The following FBXO25 variants were observed in gnomAD, a reference collection of about 807,000 sequenced individuals.
FBXO25 encodes the protein F-box only protein 25.
Under a neutral mutation model 51.9 loss-of-function variants are expected in FBXO25, and 45 were observed. That is an observed-to-expected ratio of 0.87 (90% CI 0.68 to 1.11). FBXO25 has a LOEUF of 1.11. Among genes scored for constraint, FBXO25 ranks in the 50% most tolerant of loss-of-function variants. FBXO25 has a pLI of 0.00. For synonymous variants in FBXO25, 199 were observed against 151.0 expected (o/e 1.32, Z -2.33); for missense variants, 507 against 428.5 (o/e 1.18, Z -1.62).
chr8:445,274 G>C (rs561134332), intron 5 of FBXO25, among the ~76,000 whole-genome samples: 34 of 152,200 alleles, frequency 2.2e-4, no homozygotes, highest in Non-Finnish European at 4.4e-4. Context: ...TTTTTAAAAG[G>C]AATTTTAAAA....
intron 7 of FBXO25, among the ~76,000 whole-genome samples, chr8:457,708 G>A (rs1485649502): frequency 1.3e-5 from 2 of 152,220 alleles, no homozygotes; most frequent in Admixed American, 6.5e-5. Context: ...AAAGGATTAT[G>A]ACTTGAGGTG....
rs1796571016 is a variant in FBXO25, at chr8:412,932, C to T, written c.-7-141C>T. 8.5e-6 allele frequency: 7 copies of T among 825,374 alleles called. No homozygotes were observed. The East Asian group carries it at 2.1e-4, about 25-fold the overall frequency. 51.1% of individuals were successfully genotyped at this position (825,374 alleles called of 1,614,324 possible). A position where few individuals can be genotyped will look rare whatever the true frequency, so the allele number is the denominator to read the frequency against. On this transcript the variant is annotated intron_variant, in intron 1 of 9. Coordinates refer to ENST00000350302, the MANE Select transcript of FBXO25 (RefSeq NM_183420.2). ...CAGTACTGTGTTATTGTCACTGTCACCAATGTCGAGCCAACGTTTAATTAA... is the reference window on the plus strand; with the variant it reads ...CAGTACTGTGTTATTGTCACTGTCATCAATGTCGAGCCAACGTTTAATTAA...
At chr8:430,229 T>C (rs536694809) in intron 2 of FBXO25, among the ~76,000 whole-genome samples, 29 of 152,366 alleles carry the variant, frequency 1.9e-4, no homozygotes, top group African/African-American at 6.0e-4. Flanking sequence ...ACATTCAGTA[T>C]TTCAATCAAT....
chr8:418,280 T>C lies in FBXO25; in HGVS notation c.134+5067T>C, dbSNP rs138940291. 9.8e-3 allele frequency among the ~76,000 whole-genome samples: 1,496 copies of C among 152,120 alleles called. 17 individuals carry two copies. The highest frequency in any genetic ancestry group is 0.017 in the Non-Finnish European group (1,146 of 67,982). ...TTGGTGGGCAAAAAACATTAGACAT[T>C]TTATTTCTTTTCCTTTCCCTTTCCT... is the stretch of plus-strand genomic sequence containing the variant. On this transcript the variant is annotated intron_variant, in intron 2 of 9. Transcript: ENST00000350302.
chr8:451,312 G>A lies in FBXO25; in HGVS notation c.519G>A (p.Leu173=), dbSNP rs760924947. ...HHNPRLIKDL[L]QDLSSTLCIL... is the part of the protein sequence containing the mutation. ...ATCCTCGCTTAATCAAAGATCTTCTGCAAGACCTAAGCTCTACCCTCTGCA... is the reference window on the plus strand; with the variant it reads ...ATCCTCGCTTAATCAAAGATCTTCTACAAGACCTAAGCTCTACCCTCTGCA... Residue 173 remains leucine, a synonymous_variant, in exon 7 of 10, where the codon CTG becomes CTA. Coordinates refer to ENST00000350302, the MANE Select transcript of FBXO25 (RefSeq NM_183420.2). The A allele has an allele frequency of 6.2e-7, 1 of 1,611,524 alleles. No individual in the cohort carries two copies.
At position 475,030 on chromosome 8, in the gene FBXO25, A is replaced by G. The variant is rs1800601441; in HGVS notation, c.*6226A>G. On this transcript the variant is annotated 3_prime_UTR_variant, in exon 10 of 10. Coordinates refer to ENST00000350302, the MANE Select transcript of FBXO25 (RefSeq NM_183420.2). ...TGTGCCTCTGGTGTCATATCTAAGA[A>G]ATCACTGCCAAATCCAATGTTGTTA... The G allele has an allele frequency of 1.2e-5, 5 of 408,244 alleles. No homozygotes were observed. The highest frequency in any genetic ancestry group is 9.3e-5 in the South Asian group (5 of 53,864). The allele number at this position is 408,244 out of a possible 1,614,324, so 25.3% of individuals were successfully genotyped here.
At chr8:453,677 C>A (rs975180932) in intron 7 of FBXO25, among the ~76,000 whole-genome samples, 2 of 152,080 alleles carry the variant, frequency 1.3e-5, no homozygotes, top group African/African-American at 4.8e-5. Context: ...GGGGTTAGAA[C>A]AGAGCAGCTG....
At chr8:410,774 T>A (rs1236338400) in intron 1 of FBXO25, among the ~76,000 whole-genome samples, 1 of 152,224 alleles carries the variant, frequency 6.6e-6, no homozygotes, top group African/African-American at 2.4e-5. Flanking sequence ...AGGAATAAAG[T>A]ATTTTCTAAA....
chr8:448,054 AGAAT>A (rs1439774137), intron 5 of FBXO25, among the ~76,000 whole-genome samples: 1 of 152,224 alleles, frequency 6.6e-6, no homozygotes, highest in Non-Finnish European at 1.5e-5. Flanking sequence ...AAAATTAATA[AGAAT>A]GAAACCGTAA....
intron 7 of FBXO25, among the ~76,000 whole-genome samples, chr8:451,936 T>C (rs1219099332): frequency 2.0e-5 from 3 of 152,232 alleles, no homozygotes; most frequent in East Asian, 3.8e-4. Flanking sequence ...TATTTTTTCT[T>C]TATTCTGGTA....
intron 4 of FBXO25, among the ~76,000 whole-genome samples, chr8:434,451 C>G (rs1395904934): frequency 6.6e-6 from 1 of 152,098 alleles, no homozygotes; most frequent in East Asian, 1.9e-4. Flanking sequence ...AAATGTTTTC[C>G]ACATAGCAGG....
chr8:409,235 G>C (rs537804449), intron 1 of FBXO25, among the ~76,000 whole-genome samples: 2 of 152,290 alleles, frequency 1.3e-5, no homozygotes, highest in Admixed American at 6.5e-5. Context: ...TTCATGAGCT[G>C]TATAGATTAT....
At chr8:417,465 T>C (rs919176052) in intron 2 of FBXO25, among the ~76,000 whole-genome samples, 5 of 152,156 alleles carry the variant, frequency 3.3e-5, no homozygotes, top group African/African-American at 1.2e-4. Context: ...AACTGACACA[T>C]GGAATGTGTA....
rs1278290835 is a variant in FBXO25, at chr8:476,739, T to A, written c.*7935T>A. The A allele has an allele frequency of 6.6e-6, 1 of 152,152 alleles. No homozygotes were observed. Among genetic ancestry groups the A allele is most frequent in the Non-Finnish European group, 1.5e-5 (1 of 68,018 alleles). 9.4% of individuals were successfully genotyped at this position (152,152 alleles called of 1,614,324 possible). A position where few individuals can be genotyped will look rare whatever the true frequency, so the allele number is the denominator to read the frequency against. ...TGTTTTTCTTAGTCACTCTTAGCTA[T>A]CAACAAACTCTTGGTTTCATTTATT... On this transcript the variant is annotated 3_prime_UTR_variant, in exon 10 of 10. Transcript: ENST00000350302.
intron 1 of FBXO25, among the ~76,000 whole-genome samples, chr8:412,116 C>A (rs774860761): frequency 1.3e-5 from 2 of 152,164 alleles, no homozygotes; most frequent in Non-Finnish European, 2.9e-5. Flanking sequence ...TGAAGTTAAT[C>A]ACGAAGTTGC....
In FBXO25 at chr8:474,388, C is replaced by T; in HGVS notation, c.*5584C>T. 1 of 266,618 alleles carries T rather than the reference C, an allele frequency of 3.8e-6. No individual in the cohort carries two copies. The highest frequency in any genetic ancestry group is 7.2e-6 in the Non-Finnish European group (1 of 138,446). The allele number at this position is 266,618 out of a possible 1,614,324, so 16.5% of individuals were successfully genotyped here. A position where few individuals can be genotyped will look rare whatever the true frequency, so the allele number is the denominator to read the frequency against. On this transcript the variant is annotated 3_prime_UTR_variant, in exon 10 of 10. Coordinates refer to ENST00000350302, the MANE Select transcript of FBXO25 (RefSeq NM_183420.2). ...CACCTTTTAGCTATTGTGAATATTG[C>T]TGCCGTAAACATGGGTGTGCAAATA...
chr8:467,963 G>C, intron 9 of FBXO25: 1 of 1,400,104 alleles, frequency 7.1e-7, no homozygotes, highest in Non-Finnish European at 9.3e-7. Context: ...CAACACCTGA[G>C]TGCTGAGGGA....
intron 7 of FBXO25, among the ~76,000 whole-genome samples, chr8:457,535 G>A (rs1799526329): frequency 6.6e-6 from 1 of 152,212 alleles, no homozygotes; most frequent in Admixed American, 6.5e-5. Flanking sequence ...ATGTAAAGCT[G>A]GAAGGTGGGG....
chr8:429,415 A>G (rs1362005640), intron 2 of FBXO25, among the ~76,000 whole-genome samples: 1 of 152,158 alleles, frequency 6.6e-6, no homozygotes, highest in African/African-American at 2.4e-5. Context: ...CTTGTTTTTA[A>G]GTCAGAGTAG....
Sources: allele counts gnomAD v4.1 joint callset (sites outside exome capture counted in the v4.1 genomes callset), GRCh38; gene constraint gnomAD v4.1.1; transcripts MANE v1.5; gene names NCBI Gene and HGNC (gene_info 2026-07-23, HGNC 2026-07-21).